Variants in SATB2 observed in about 807,000 individuals in gnomAD.
The protein encoded by SATB2 is DNA-binding protein SATB2.
In SATB2, 1 loss-of-function variant was observed where a neutral mutation model predicts 73.4. The observed-to-expected ratio is 0.01, with a 90% CI of 0.00 to 0.06. SATB2 has a LOEUF of 0.06. Among genes scored for constraint, SATB2 ranks in the 10% least tolerant of loss-of-function variants. The pLI, the probability that SATB2 is intolerant of heterozygous loss-of-function variation, is 1.00. For missense variants in SATB2, 459 were observed against 945.8 expected (o/e 0.49, Z 6.75); for synonymous variants, 397 against 367.0 (o/e 1.08, Z -0.93).
At chr2:199,326,444 C>A (rs943234281) in intron 8 of SATB2, among the ~76,000 whole-genome samples, 4 of 152,066 alleles carry the variant, frequency 2.6e-5, no homozygotes, top group African/African-American at 9.7e-5. Context: ...AAAATACTGA[C>A]CCTAACTGTG....
At chr2:199,448,591 G>T (rs573401477) in intron 2 of SATB2, among the ~76,000 whole-genome samples, 24 of 152,254 alleles carry the variant, frequency 1.6e-4, no homozygotes, top group African/African-American at 4.8e-4. Flanking sequence ...TTAGCACTTT[G>T]GAAAACATTT....
At chr2:199,441,822 G>A (rs772537220) in intron 2 of SATB2, among the ~76,000 whole-genome samples, 9 of 152,182 alleles carry the variant, frequency 5.9e-5, no homozygotes, top group African/African-American at 1.4e-4. Flanking sequence ...AACATCCTTC[G>A]GTTATAGAAA....
At chr2:199,288,466 C>T (rs1692749922) in intron 10 of SATB2, among the ~76,000 whole-genome samples, 1 of 152,140 alleles carries the variant, frequency 6.6e-6, no homozygotes, top group South Asian at 2.1e-4. Context: ...AGAAGGTAAT[C>T]CATGTGTTTG....
chr2:199,437,476 T>C (rs1691685506), intron 2 of SATB2, among the ~76,000 whole-genome samples: 2 of 152,192 alleles, frequency 1.3e-5, no homozygotes, highest in African/African-American at 4.8e-5. Context: ...CGTTAACCAT[T>C]GTAACTGCCA....
At chr2:199,468,203 C>G (rs1692629981), upstream of SATB2, 1 of 152,154 alleles carries the variant, frequency 6.6e-6, no homozygotes, top group South Asian at 2.1e-4. Flanking sequence ...GCAGGGTCAG[C>G]TCTGGTGGGC....
chr2:199,369,096 A>G (rs1416770366), intron 5 of SATB2, among the ~76,000 whole-genome samples: 2 of 152,220 alleles, frequency 1.3e-5, no homozygotes, highest in Non-Finnish European at 1.5e-5. Flanking sequence ...AAGCTTACAC[A>G]GCCAAGAATC....
intron 2 of SATB2, among the ~76,000 whole-genome samples, chr2:199,434,310 C>T (rs1691590382): frequency 6.6e-6 from 1 of 152,036 alleles, no homozygotes; most frequent in Admixed American, 6.5e-5. Context: ...AATAAGTAAA[C>T]TACCCTAAAG....
chr2:199,309,014 G>A (rs1160543813), intron 9 of SATB2, 57 bp from the exon 10 acceptor site: 3 of 1,385,624 alleles, frequency 2.2e-6, no homozygotes, highest in South Asian at 2.4e-5. Context: ...AGCTGAGGGG[G>A]CCTTGACTGC....
At chr2:199,281,489 A>ACACACACG (rs1449475662) in intron 10 of SATB2, among the ~76,000 whole-genome samples, 1 of 151,760 alleles carries the variant, frequency 6.6e-6, no homozygotes, top group African/African-American at 2.4e-5. Flanking sequence ...ATATACACAC[A>ACACACACG]CACACAATTT....
intron 6 of SATB2, among the ~76,000 whole-genome samples, chr2:199,368,107 T>A (rs1039345753): frequency 6.6e-6 from 1 of 152,040 alleles, no homozygotes; most frequent in African/African-American, 2.4e-5. Flanking sequence ...CTTGGTGAAG[T>A]TAAATAATTT....
intron 6 of SATB2, among the ~76,000 whole-genome samples, chr2:199,359,034 T>C (rs181119215): frequency 6.6e-6 from 1 of 152,322 alleles, no homozygotes; most frequent in East Asian, 1.9e-4. Context: ...AAAACTATAA[T>C]TTCTAAGGTG....
At chr2:199,355,834 AG>A (rs1381834923) in intron 6 of SATB2, among the ~76,000 whole-genome samples, 1 of 152,162 alleles carries the variant, frequency 6.6e-6, no homozygotes, top group African/African-American at 2.4e-5. Context: ...CACCATTACA[AG>A]AAAAATAGTT....
intron 10 of SATB2, among the ~76,000 whole-genome samples, chr2:199,298,752 CCAAA>C (rs767255527): frequency 6.6e-5 from 10 of 152,126 alleles, no homozygotes; most frequent in Non-Finnish European, 8.8e-5. Context: ...AGTGCACTGA[CCAAA>C]CAGAGTGAAA....
intron 10 of SATB2, among the ~76,000 whole-genome samples, chr2:199,280,568 T>C (rs1419078569): frequency 2.6e-5 from 4 of 152,158 alleles, no homozygotes; most frequent in Non-Finnish European, 5.9e-5. Context: ...AGAAAGAGAA[T>C]GTGTCCCTGA....
intron 2 of SATB2, among the ~76,000 whole-genome samples, chr2:199,452,341 C>A (rs936866757): frequency 1.3e-5 from 2 of 152,114 alleles, no homozygotes; most frequent in African/African-American, 4.8e-5. Context: ...TGGCCAGCAC[C>A]TTTCAGCAGT....
intron 5 of SATB2, among the ~76,000 whole-genome samples, chr2:199,373,095 A>G (rs981246457): frequency 1.3e-5 from 2 of 152,196 alleles, no homozygotes. Context: ...CTTGTTATGA[A>G]GAAGAACATT....
chr2:199,310,162 C>G (rs944230583), intron 9 of SATB2, among the ~76,000 whole-genome samples: 10 of 152,112 alleles, frequency 6.6e-5, no homozygotes, highest in African/African-American at 2.4e-4. Context: ...TGCAGCACCG[C>G]GAAGAGACAA....
chr2:199,398,777 T>G (rs1402911621), intron 3 of SATB2, among the ~76,000 whole-genome samples: 1 of 152,230 alleles, frequency 6.6e-6, no homozygotes, highest in Non-Finnish European at 1.5e-5. Context: ...AAATGACTGA[T>G]TTCTTATTTA....
chr2:199,317,675 AG>A (rs1289082630), intron 9 of SATB2, among the ~76,000 whole-genome samples: 5 of 152,014 alleles, frequency 3.3e-5, no homozygotes, highest in African/African-American at 1.2e-4. Flanking sequence ...ATTAATTGTG[AG>A]GGTGGTAAAA....
Sources: gnomAD v4.1 joint callset for allele counts (sites outside exome capture counted in the v4.1 genomes callset) on GRCh38, gnomAD v4.1.1 for gene constraint, MANE v1.5 for transcripts, NCBI Gene and HGNC (gene_info 2026-07-23, HGNC 2026-07-21) for gene names.